The following CACNA1E variants were observed in gnomAD, a reference collection of about 807,000 sequenced individuals.
CACNA1E encodes the protein voltage-dependent R-type calcium channel subunit alpha-1E.
In CACNA1E, 40 loss-of-function variants were observed where a neutral mutation model predicts 259.2. The ratio of observed to expected loss-of-function variants is 0.15; its 90% CI spans 0.12 to 0.20. The LOEUF is 0.20. Among genes scored for constraint, CACNA1E ranks in the 10% least tolerant of loss-of-function variants. The pLI is 1.00. For synonymous variants in CACNA1E, 1,104 were observed against 1,138.5 expected (o/e 0.97, Z 0.61); for missense variants, 1,874 against 3,040.1 (o/e 0.62, Z 9.02).
At position 181,793,774 on chromosome 1, in the gene CACNA1E, G is replaced by A. The variant is rs189129701; in HGVS notation, c.6008G>A (p.Arg2003His). The A allele has an allele frequency of 7.8e-4, 1,263 of 1,611,496 alleles. 7 individuals are homozygous for A. In the African/African-American group the frequency reaches 0.014, roughly 18 times the overall value. Residue 2003 changes from arginine to histidine, a missense_variant, in exon 45 of 48, where the codon CGT becomes CAT. By Grantham distance (29) the Arg-to-His change is conservative. This residue lies in a region of CACNA1E where 542 missense variants were observed against 587.2 expected (regional missense o/e 0.92). Transcript: ENST00000367573. ...TCTGGGAGGGCATCTTCTATGCCACGTCTGACTGTGGATCCCCAGGTAAAA... is the reference window on the plus strand; with the variant it reads ...TCTGGGAGGGCATCTTCTATGCCACATCTGACTGTGGATCCCCAGGTAAAA... ...AGSGRASSMP[R>H]LTVDPQVVTD...
intron 1 of CACNA1E, 66 bp from the exon 2 acceptor site, chr1:181,510,411 G>T (rs1666066679): frequency 9.6e-7 from 1 of 1,041,278 alleles, no homozygotes; most frequent in Admixed American, 1.8e-5. Context: ...GTGTGTTTAT[G>T]GGCACGGCCA....
At chr1:181,779,740 A>G (rs1660256671) in intron 38 of CACNA1E, among the ~76,000 whole-genome samples, 1 of 152,076 alleles carries the variant, frequency 6.6e-6, no homozygotes, top group African/African-American at 2.4e-5. Flanking sequence ...AAGGCAGAAG[A>G]GTTAAGAACT....
intron 7 of CACNA1E, among the ~76,000 whole-genome samples, chr1:181,694,668 A>G (rs1651527631): frequency 6.6e-6 from 1 of 152,206 alleles, no homozygotes; most frequent in Admixed American, 6.5e-5. Flanking sequence ...ACAATGAGCC[A>G]TGTTAATTTT....
At chr1:181,490,183 G>T (rs1202648169) in intron 1 of CACNA1E, among the ~76,000 whole-genome samples, 1 of 152,172 alleles carries the variant, frequency 6.6e-6, no homozygotes, top group Middle Eastern at 3.2e-3. Context: ...GCAGCTAGAA[G>T]ATGTGTTCTT....
At chr1:181,442,353 G>A (rs564113206) in intron 2 of CACNA1E, among the ~76,000 whole-genome samples, 3 of 150,388 alleles carry the variant, frequency 2.0e-5, no homozygotes, top group African/African-American at 7.4e-5. Flanking sequence ...ACAGGTGTGA[G>A]GGACACAGGT....
chr1:181,726,260 A>T (rs773736901), intron 18 of CACNA1E, 98 bp downstream of exon 18: 39 of 825,468 alleles, frequency 4.7e-5, no homozygotes, highest in Non-Finnish European at 7.4e-5. Context: ...TACCTACTAC[A>T]TGCTGGGAAC....
At chr1:181,745,448 C>T (rs2102626816) in intron 25 of CACNA1E, 1 of 411,084 alleles carries the variant, frequency 2.4e-6, no homozygotes, top group Non-Finnish European at 4.7e-6. Flanking sequence ...AACACTGCCC[C>T]ATCCACACGG....
intron 6 of CACNA1E, among the ~76,000 whole-genome samples, chr1:181,616,754 G>A (rs191376899): frequency 2.9e-4 from 44 of 151,998 alleles, no homozygotes; most frequent in African/African-American, 1.1e-3. Context: ...AAAAGGAGGT[G>A]GGGGGAATCA....
intron 39 of CACNA1E, among the ~76,000 whole-genome samples, chr1:181,783,010 A>T (rs931923698): frequency 1.6e-4 from 25 of 151,924 alleles, no homozygotes; most frequent in African/African-American, 6.0e-4. Context: ...TGCCTGGGCC[A>T]CCCTTCCTCG....
At chr1:181,683,593 C>T (rs1311142434) in intron 7 of CACNA1E, among the ~76,000 whole-genome samples, 2 of 152,144 alleles carry the variant, frequency 1.3e-5, no homozygotes, top group African/African-American at 4.8e-5. Context: ...CTCCTCTGAT[C>T]TTCATCCTCA....
In CACNA1E at chr1:181,768,132, C is replaced by T. The variant is rs145090551; in HGVS notation, c.4881+1521C>T. ...TCATGAAGTTCCTTTTGCCTATGCT[C>T]AAAATAGTTCTTACCCCTTTTCATC... On this transcript the variant is annotated intron_variant, in intron 35 of 47. Coordinates refer to ENST00000367573, the MANE Select transcript of CACNA1E (RefSeq NM_001205293.3). 3.2e-3 allele frequency among the ~76,000 whole-genome samples: 485 copies of T among 152,210 alleles called. 2 individuals carry two copies. The highest frequency in any genetic ancestry group is 9.6e-3 in the African/African-American group (397 of 41,518).
chr1:181,500,223 A>G (rs1665126465), intron 1 of CACNA1E, among the ~76,000 whole-genome samples: 1 of 152,198 alleles, frequency 6.6e-6, no homozygotes, highest in South Asian at 2.1e-4. Context: ...CCTTATGCAT[A>G]TGAAGGTTGA....
chr1:181,473,333 C>A (rs191271638), intron 2 of CACNA1E, among the ~76,000 whole-genome samples: 1 of 152,256 alleles, frequency 6.6e-6, no homozygotes, highest in Non-Finnish European at 1.5e-5. Context: ...TGGTGTAAAA[C>A]CATGCTAATT....
At chr1:181,484,942 G>A (rs1490003302) in intron 1 of CACNA1E, among the ~76,000 whole-genome samples, 1 of 152,250 alleles carries the variant, frequency 6.6e-6, no homozygotes, top group African/African-American at 2.4e-5. Flanking sequence ...GGCATGGAAG[G>A]AGCTTCTTTG....
At chr1:181,790,269 C>T (rs1009773002) in intron 43 of CACNA1E, among the ~76,000 whole-genome samples, 176 bp from the exon 44 acceptor site, 10 of 148,398 alleles carry the variant, frequency 6.7e-5, no homozygotes, top group African/African-American at 2.5e-4. Flanking sequence ...TTGAAAACAT[C>T]AGTTTCTGTC....
chr1:181,781,583 G>A (rs1416762710), intron 39 of CACNA1E, 60 bp downstream of exon 39: 1 of 888,604 alleles, frequency 1.1e-6, no homozygotes, highest in Admixed American at 2.0e-5. Flanking sequence ...ATCTAGTTGT[G>A]GGGAGGCCAG....
chr1:181,614,842 G>T (rs1176547601), intron 6 of CACNA1E, among the ~76,000 whole-genome samples: 2 of 152,038 alleles, frequency 1.3e-5, no homozygotes, highest in African/African-American at 2.4e-5. Context: ...ATATTTCTAG[G>T]TTACACAGTT....
At chr1:181,558,343 C>A (rs960192098) in intron 3 of CACNA1E, among the ~76,000 whole-genome samples, 1 of 152,200 alleles carries the variant, frequency 6.6e-6, no homozygotes, top group Non-Finnish European at 1.5e-5. Context: ...ATACATTTAT[C>A]GAGTACCTAC....
chr1:181,339,015 G>T (rs1472237323), intron 1 of CACNA1E, among the ~76,000 whole-genome samples: 1 of 150,700 alleles, frequency 6.6e-6, no homozygotes, highest in African/African-American at 2.4e-5. Flanking sequence ...CTGTTCCATT[G>T]GTTTATGTGT....
Sources: allele counts gnomAD v4.1 joint callset (sites outside exome capture counted in the v4.1 genomes callset), GRCh38; gene constraint gnomAD v4.1.1; regional missense constraint gnomAD v4.1.1; transcripts MANE v1.5; gene names NCBI Gene and HGNC (gene_info 2026-07-23, HGNC 2026-07-21).